Variants in SLC44A5 observed in about 807,000 individuals in gnomAD.
The protein encoded by SLC44A5 is choline transporter-like protein 5.
A neutral mutation model predicts 101.8 loss-of-function variants in SLC44A5; 57 were observed. That is an observed-to-expected ratio of 0.56 (90% CI 0.45 to 0.70). The LOEUF is 0.70. Among genes scored for constraint, SLC44A5 ranks in the 30% least tolerant of loss-of-function variants. The pLI, the probability that SLC44A5 is intolerant of heterozygous loss-of-function variation, is 0.00. For missense variants in SLC44A5, 737 were observed against 853.1 expected, an observed-to-expected ratio of 0.86 and a Z score of 1.70; for synonymous variants, 281 against 290.9, an observed-to-expected ratio of 0.97 and a Z score of 0.35.
chr1:75,322,865 C>T (rs939604002), intron 4 of SLC44A5, among the ~76,000 whole-genome samples: 1 of 152,198 alleles, frequency 6.6e-6, no homozygotes, highest in African/African-American at 2.4e-5. Context: ...GTAATTGTGA[C>T]TAAGCTTTTT....
At chr1:75,312,029 G>A (rs906144117) in intron 4 of SLC44A5, among the ~76,000 whole-genome samples, 1 of 152,140 alleles carries the variant, frequency 6.6e-6, no homozygotes, top group African/African-American at 2.4e-5. Flanking sequence ...TGTTGATGAG[G>A]GGGGCTGGTG....
chr1:75,583,451 T>C (rs1268697761), intron 1 of SLC44A5, among the ~76,000 whole-genome samples: 1 of 152,128 alleles, frequency 6.6e-6, no homozygotes, highest in Admixed American at 6.6e-5. Context: ...TCCCTCAGCT[T>C]TGCCCCAGTA....
intron 2 of SLC44A5, among the ~76,000 whole-genome samples, chr1:75,405,344 G>A (rs1233648454): frequency 6.6e-6 from 1 of 152,058 alleles, no homozygotes. Flanking sequence ...CTCAGCTCTG[G>A]ACCAAGTGGA....
chr1:75,356,514 C>T (rs1382166542), intron 3 of SLC44A5, among the ~76,000 whole-genome samples: 1 of 151,774 alleles, frequency 6.6e-6, no homozygotes, highest in Non-Finnish European at 1.5e-5. Flanking sequence ...CCTATTATTA[C>T]AAGACTCAAA....
the SLC44A5 span, among the ~76,000 whole-genome samples, chr1:75,671,567 A>G: frequency 2.6e-5 from 4 of 152,214 alleles, no homozygotes. Flanking sequence ...AATTGCCTCC[A>G]TCTTATTCAC....
At chr1:75,422,125 T>C (rs1379129112) in intron 2 of SLC44A5, among the ~76,000 whole-genome samples, 1 of 152,154 alleles carries the variant, frequency 6.6e-6, no homozygotes. Flanking sequence ...CCCAGACTGA[T>C]GTGATGTAAA....
intron 3 of SLC44A5, among the ~76,000 whole-genome samples, chr1:75,378,177 C>T (rs1160797641): frequency 1.2e-5 from 1 of 81,016 alleles, no homozygotes. Context: ...CTTGTGCGCT[C>T]GGAAGAAGCT....
intron 2 of SLC44A5, among the ~76,000 whole-genome samples, chr1:75,439,357 T>A (rs1665065502): frequency 6.6e-6 from 1 of 152,016 alleles, no homozygotes; most frequent in South Asian, 2.1e-4. Context: ...GTAAAAAAAA[T>A]GACCAAGGAG....
intron 3 of SLC44A5, among the ~76,000 whole-genome samples, chr1:75,341,694 C>T (rs1330928388): frequency 2.6e-5 from 4 of 152,116 alleles, no homozygotes; most frequent in African/African-American, 7.2e-5. Context: ...AGGCTCCTAA[C>T]ACTCAGCTCT....
intron 2 of SLC44A5, among the ~76,000 whole-genome samples, chr1:75,397,462 C>A (rs1421337698): frequency 6.6e-6 from 1 of 152,082 alleles, no homozygotes; most frequent in African/African-American, 2.4e-5. Flanking sequence ...AGTAGCAAAT[C>A]ATTGAGAGTC....
intron 1 of SLC44A5, among the ~76,000 whole-genome samples, chr1:75,555,511 T>C (rs2101992483): frequency 6.6e-6 from 1 of 152,256 alleles, no homozygotes; most frequent in Non-Finnish European, 1.5e-5. Context: ...GTGGTGATGA[T>C]GGTGAGAGTA....
intron 4 of SLC44A5, among the ~76,000 whole-genome samples, chr1:75,332,808 C>T (rs1057101951): frequency 1.3e-5 from 2 of 152,134 alleles, no homozygotes; most frequent in South Asian, 2.1e-4. Flanking sequence ...CAGCTTTAGA[C>T]CTTAGTGATA....
chr1:75,232,281 C>G (rs1401260372), intron 12 of SLC44A5, among the ~76,000 whole-genome samples: 1 of 152,138 alleles, frequency 6.6e-6, no homozygotes, highest in Non-Finnish European at 1.5e-5. Context: ...TCAGATTTTT[C>G]TTGCTACTTA....
chr1:75,574,651 C>T (rs1432057943), intron 1 of SLC44A5, among the ~76,000 whole-genome samples: 1 of 152,192 alleles, frequency 6.6e-6, no homozygotes, highest in Non-Finnish European at 1.5e-5. Flanking sequence ...GCCCTGCCCT[C>T]TACAGTATCA....
At chr1:75,661,002 G>C in the SLC44A5 span, among the ~76,000 whole-genome samples, 1 of 152,008 alleles carries the variant, frequency 6.6e-6, no homozygotes, top group Non-Finnish European at 1.5e-5. Flanking sequence ...AAATCTGTAT[G>C]GAATCACAAA....
chr1:75,679,262 C>T, the SLC44A5 span, among the ~76,000 whole-genome samples: 20 of 152,070 alleles, frequency 1.3e-4, no homozygotes, highest in South Asian at 4.1e-4. Context: ...ACACAGAGAA[C>T]GCCACAAAGA....
intron 2 of SLC44A5, among the ~76,000 whole-genome samples, chr1:75,526,558 T>C (rs1230557876): frequency 6.6e-6 from 1 of 152,192 alleles, no homozygotes; most frequent in Non-Finnish European, 1.5e-5. Flanking sequence ...GAAATACATG[T>C]CTGTTGTGCT....
chr1:75,219,107 T>C, intron 16 of SLC44A5, 150 bp downstream of exon 16: 1 of 645,954 alleles, frequency 1.5e-6, no homozygotes, highest in South Asian at 1.9e-5. Flanking sequence ...CTCTCCTGCT[T>C]ACCTGATGCA....
chr1:75,284,026 C>T (rs114573135), intron 5 of SLC44A5, among the ~76,000 whole-genome samples: 2,607 of 152,076 alleles, frequency 0.017, 25 homozygotes, highest in Admixed American at 0.021. Flanking sequence ...ATTGTTTTTT[C>T]GACTTCTGTG....
Sources: allele counts gnomAD v4.1 joint callset (sites outside exome capture counted in the v4.1 genomes callset), GRCh38; gene constraint gnomAD v4.1.1; transcripts MANE v1.5; gene names NCBI Gene and HGNC (gene_info 2026-07-23, HGNC 2026-07-21).